MINDY3: variants seen among roughly 807,000 people sequenced by gnomAD.
MINDY3 encodes the protein ubiquitin carboxyl-terminal hydrolase MINDY-3.
Under a neutral mutation model 69.2 loss-of-function variants are expected in MINDY3, and 38 were observed. That is an observed-to-expected ratio of 0.55 (90% CI 0.42 to 0.72). The LOEUF is 0.72. Among genes scored for constraint, MINDY3 ranks in the 30% least tolerant of loss-of-function variants. The pLI is 0.00. For missense variants in MINDY3, 522 were observed against 519.0 expected (o/e 1.01, Z -0.06); for synonymous variants, 192 against 180.1 (o/e 1.07, Z -0.53).
chr10:15,798,790 A>AAACG (rs1440883807), intron 10 of MINDY3, among the ~76,000 whole-genome samples: 1 of 151,856 alleles, frequency 6.6e-6, no homozygotes, highest in East Asian at 1.9e-4. Flanking sequence ...AAAAACAAAC[A>AAACG]AACAAACAAA....
chr10:15,856,466 C>T, intron 1 of MINDY3, among the ~76,000 whole-genome samples: 1 of 147,104 alleles, frequency 6.8e-6, no homozygotes, highest in East Asian at 1.9e-4. Flanking sequence ...AAAAATAAAT[C>T]TCTCTCTGAC....
chr10:15,786,822 T>G (rs1837007660), intron 12 of MINDY3, among the ~76,000 whole-genome samples, 174 bp from the exon 13 acceptor site: 1 of 152,144 alleles, frequency 6.6e-6, no homozygotes, highest in South Asian at 2.1e-4. Context: ...TTGCCAAACT[T>G]GGTTATTTTT....
intron 10 of MINDY3, among the ~76,000 whole-genome samples, chr10:15,803,674 A>T (rs1838421132): frequency 6.6e-6 from 1 of 152,126 alleles, no homozygotes; most frequent in South Asian, 2.1e-4. Context: ...GATGGTAGAG[A>T]AAAACCCAGT....
At chr10:15,791,971 A>T (rs372128614) in intron 11 of MINDY3, among the ~76,000 whole-genome samples, 1 of 152,114 alleles carries the variant, frequency 6.6e-6, no homozygotes, top group Non-Finnish European at 1.5e-5. Context: ...GATACTCAAA[A>T]CTAACAGAGA....
chr10:15,787,953 A>G (rs1025620309), intron 12 of MINDY3, among the ~76,000 whole-genome samples: 2 of 152,162 alleles, frequency 1.3e-5, no homozygotes, highest in African/African-American at 4.8e-5. Flanking sequence ...CAATCTTTCA[A>G]CTACTTCAAG....
chr10:15,814,968 A>G (rs529175444), intron 10 of MINDY3, among the ~76,000 whole-genome samples: 1 of 152,302 alleles, frequency 6.6e-6, no homozygotes, highest in Non-Finnish European at 1.5e-5. Flanking sequence ...CAACAAAATC[A>G]TTTCTTAAAC....
At chr10:15,836,444 T>C (rs1027936088) in intron 6 of MINDY3, among the ~76,000 whole-genome samples, 1 of 151,910 alleles carries the variant, frequency 6.6e-6, no homozygotes, top group Non-Finnish European at 1.5e-5. Context: ...CCATTAAAAA[T>C]GCATCCCATA....
chr10:15,803,792 G>A (rs190706925), intron 10 of MINDY3, among the ~76,000 whole-genome samples: 51 of 152,150 alleles, frequency 3.4e-4, no homozygotes, highest in Middle Eastern at 3.4e-3. Flanking sequence ...CTTCCAAGAT[G>A]AAGTTCTAAC....
At chr10:15,858,351 C>T (rs1834842234) in intron 1 of MINDY3, among the ~76,000 whole-genome samples, 1 of 152,110 alleles carries the variant, frequency 6.6e-6, no homozygotes, top group South Asian at 2.1e-4. Context: ...TCTAATAAGT[C>T]ATTATAAAGT....
rs796472784 is a variant in MINDY3, at chr10:15,791,103, C to T, written c.956-1784G>A. ...ATTCTGAAGTGTAACCATAACTGTA[C>T]CCGGTCAGTAACTCTACATTTTGTA... On this transcript the variant is annotated intron_variant, in intron 11 of 14. Transcript: ENST00000277632. Among the ~76,000 whole-genome samples, 4 of 152,014 alleles carry T rather than the reference C, an allele frequency of 2.6e-5. No individual in the cohort carries two copies. The South Asian group carries it at 8.3e-4, about 32-fold the overall frequency.
intron 10 of MINDY3, among the ~76,000 whole-genome samples, chr10:15,804,993 C>T (rs1460766280): frequency 6.6e-6 from 1 of 152,120 alleles, no homozygotes; most frequent in East Asian, 1.9e-4. Context: ...CAGCAGACAG[C>T]CCTCTGACGT....
At chr10:15,810,042 A>C (rs1405670105) in intron 10 of MINDY3, among the ~76,000 whole-genome samples, 2 of 152,128 alleles carry the variant, frequency 1.3e-5, no homozygotes, top group African/African-American at 2.4e-5. Context: ...TCTCAAGTAA[A>C]ACTGACTTGT....
intron 9 of MINDY3, among the ~76,000 whole-genome samples, chr10:15,819,966 T>C (rs1006835052): frequency 6.6e-6 from 1 of 152,156 alleles, no homozygotes; most frequent in African/African-American, 2.4e-5. Flanking sequence ...AATACGTCCA[T>C]TCATTCATTC....
chr10:15,839,635 A>C (rs974006098), intron 4 of MINDY3, among the ~76,000 whole-genome samples: 1 of 151,642 alleles, frequency 6.6e-6, no homozygotes, highest in Non-Finnish European at 1.5e-5. Context: ...GGATGGTGAA[A>C]AAATATAAAA....
chr10:15,850,155 A>T (rs529076483), intron 1 of MINDY3, among the ~76,000 whole-genome samples: 1 of 152,074 alleles, frequency 6.6e-6, no homozygotes, highest in Non-Finnish European at 1.5e-5. Flanking sequence ...CCCAATCAAT[A>T]CTCTTATAAT....
chr10:15,838,672 A>T (rs1338137628), intron 4 of MINDY3, among the ~76,000 whole-genome samples: 2 of 151,694 alleles, frequency 1.3e-5, no homozygotes, highest in Non-Finnish European at 3.0e-5. Context: ...TATAATATAA[A>T]ATCTTTAGGT....
intron 10 of MINDY3, among the ~76,000 whole-genome samples, chr10:15,806,623 T>C (rs1307875154): frequency 1.3e-5 from 2 of 152,162 alleles, no homozygotes; most frequent in African/African-American, 4.8e-5. Context: ...GATATTCCTG[T>C]TTAGCTTTCC....
chr10:15,823,074 T>C (rs1438007653), intron 8 of MINDY3, among the ~76,000 whole-genome samples: 1 of 152,166 alleles, frequency 6.6e-6, no homozygotes, highest in Non-Finnish European at 1.5e-5. Context: ...ATATTAACTC[T>C]GTTATTTTTG....
chr10:15,824,287 T>C (rs1437678399), intron 8 of MINDY3, among the ~76,000 whole-genome samples: 2 of 152,206 alleles, frequency 1.3e-5, no homozygotes, highest in Non-Finnish European at 2.9e-5. Flanking sequence ...CGCCACACTT[T>C]TGTTGTTTTT....
Sources: allele counts gnomAD v4.1 joint callset (sites outside exome capture counted in the v4.1 genomes callset), GRCh38; gene constraint gnomAD v4.1.1; transcripts MANE v1.5; gene names NCBI Gene and HGNC (gene_info 2026-07-23, HGNC 2026-07-21).